Variants in CDK5RAP2 observed in about 807,000 individuals in gnomAD.
The protein encoded by CDK5RAP2 is CDK5 regulatory subunit-associated protein 2.
CDK5RAP2 carries 147 observed loss-of-function variants against 232.9 expected under a neutral mutation model. The observed-to-expected ratio is 0.63, with a 90% CI of 0.55 to 0.72. The LOEUF (loss-of-function observed/expected upper bound fraction) is 0.72, where lower values mean the gene tolerates loss of function less well. CDK5RAP2 is among the 30% of genes least tolerant of loss of function. The pLI is 0.00. For synonymous variants in CDK5RAP2, 833 were observed against 833.7 expected, an observed-to-expected ratio of 1.00 and a Z score of 0.01; for missense variants, 2,195 against 2,231.5, an observed-to-expected ratio of 0.98 and a Z score of 0.33.
intron 12 of CDK5RAP2, among the ~76,000 whole-genome samples, chr9:120,498,838 T>C (rs1354260669): frequency 1.3e-5 from 2 of 151,460 alleles, no homozygotes; most frequent in African/African-American, 4.8e-5. Context: ...CTGGGCAACA[T>C]GGCAACACCC....
intron 12 of CDK5RAP2, among the ~76,000 whole-genome samples, chr9:120,515,131 A>T (rs1165834098): frequency 3.3e-5 from 5 of 152,172 alleles, no homozygotes; most frequent in African/African-American, 1.2e-4. Flanking sequence ...AAATTTTACC[A>T]AACAAACATT....
At chr9:120,458,937 G>A (rs915085608) in intron 19 of CDK5RAP2, among the ~76,000 whole-genome samples, 3 of 152,170 alleles carry the variant, frequency 2.0e-5, no homozygotes, top group African/African-American at 7.2e-5. Context: ...GTGGTTAGGA[G>A]AATGAAATGA....
chr9:120,561,393 C>A (rs991996937), intron 3 of CDK5RAP2, among the ~76,000 whole-genome samples: 1 of 152,112 alleles, frequency 6.6e-6, no homozygotes, highest in Admixed American at 6.5e-5. Flanking sequence ...ACCTCCCAGG[C>A]TCAAGCAATC....
intron 12 of CDK5RAP2, among the ~76,000 whole-genome samples, chr9:120,494,176 T>G (rs191167632): frequency 6.7e-6 from 1 of 149,080 alleles, no homozygotes; most frequent in Non-Finnish European, 1.5e-5. Context: ...ACACAGAGAA[T>G]TGGAAAGACA....
chr9:120,511,020 C>T (rs1171262065), intron 12 of CDK5RAP2, among the ~76,000 whole-genome samples: 9 of 152,210 alleles, frequency 5.9e-5, no homozygotes, highest in Admixed American at 5.9e-4. Flanking sequence ...ACTGCAATCA[C>T]AGGCAATTAA....
intron 6 of CDK5RAP2, among the ~76,000 whole-genome samples, chr9:120,538,319 G>T (rs776762074): frequency 7.9e-5 from 12 of 152,120 alleles, no homozygotes; most frequent in Non-Finnish European, 1.5e-4. Flanking sequence ...CAGAGTTTCA[G>T]GTAGAGAAAC....
intron 6 of CDK5RAP2, 68 bp from the exon 7 acceptor site, chr9:120,536,594 G>A (rs2041400870): frequency 7.1e-7 from 1 of 1,409,606 alleles, no homozygotes; most frequent in South Asian, 1.2e-5. Flanking sequence ...AAAGGAAATT[G>A]GATTAAAATA....
intron 23 of CDK5RAP2, among the ~76,000 whole-genome samples, chr9:120,442,519 CTG>C (rs2035958367): frequency 6.6e-6 from 1 of 152,120 alleles, no homozygotes; most frequent in Admixed American, 6.5e-5. Context: ...ATACAAAGTT[CTG>C]GAAGCACATT....
intron 4 of CDK5RAP2, among the ~76,000 whole-genome samples, chr9:120,546,628 T>G (rs1488070739): frequency 1.3e-5 from 2 of 152,148 alleles, no homozygotes; most frequent in African/African-American, 2.4e-5. Context: ...TGTTTTTTTG[T>G]TTTTTTGTTT....
intron 35 of CDK5RAP2, among the ~76,000 whole-genome samples, chr9:120,399,535 ACT>A (rs1479421817): frequency 1.3e-5 from 2 of 152,302 alleles, no homozygotes; most frequent in Admixed American, 6.5e-5. Flanking sequence ...GCCCTCTCTG[ACT>A]CTGGGGTAAT....
intron 30 of CDK5RAP2, among the ~76,000 whole-genome samples, chr9:120,408,674 G>C (rs1159564181): frequency 6.6e-6 from 1 of 152,190 alleles, no homozygotes; most frequent in Non-Finnish European, 1.5e-5. Flanking sequence ...ATGCCACTCA[G>C]AGGAAAACCC....
At position 120,502,842 on chromosome 9, in the gene CDK5RAP2, TTC is replaced by T. The variant is rs201702981; in HGVS notation, c.1312-11367_1312-11366del. On this transcript the variant is annotated intron_variant, in intron 12 of 37. Transcript: ENST00000349780. Reference sequence around the variant, plus strand: ...TAGGATACCAAAGAGTATAGACCGCTTCTCTTATTTTACTCATTAGTTATGGA... The same window carrying T: ...TAGGATACCAAAGAGTATAGACCGCTTCTTATTTTACTCATTAGTTATGGA... Among the ~76,000 whole-genome samples the T allele has an allele frequency of 7.2e-3, 1,089 of 152,268 alleles. 19 individuals are homozygous for T. The highest frequency in any genetic ancestry group is 0.024 in the African/African-American group (1,002 of 41,534).
In CDK5RAP2 at chr9:120,549,713, C is replaced by T. The variant is rs74365706; in HGVS notation, c.306+1079G>A. On this transcript the variant is annotated intron_variant, in intron 4 of 37. Transcript: ENST00000349780. ...CAGACACGTTTTGTATTCCTATCAC[C>T]CAAGAGGTTCTAGACGCATGACCAC... Among the ~76,000 whole-genome samples the T allele has an allele frequency of 1.5e-3, 230 of 152,280 alleles. 2 individuals carry two copies. The highest frequency in any genetic ancestry group is 5.0e-3 in the African/African-American group (209 of 41,560).
At chr9:120,540,259 C>T (rs1189451099) in intron 5 of CDK5RAP2, among the ~76,000 whole-genome samples, 4 of 152,186 alleles carry the variant, frequency 2.6e-5, no homozygotes, top group Non-Finnish European at 5.9e-5. Flanking sequence ...AAAATGACTG[C>T]AGGTTTCCAG....
chr9:120,437,671 T>C (rs1030225223), intron 24 of CDK5RAP2, 144 bp from the exon 25 acceptor site: 9 of 663,650 alleles, frequency 1.4e-5, no homozygotes, highest in Non-Finnish European at 2.1e-5. Context: ...AAATTGAAAC[T>C]GTACAAGGTC....
chr9:120,452,238 G>GTCTCTC lies in CDK5RAP2; in HGVS notation c.2793+1212_2793+1217dup, dbSNP rs373806149. On this transcript the variant is annotated intron_variant, in intron 21 of 37. Coordinates refer to ENST00000349780, the MANE Select transcript of CDK5RAP2 (RefSeq NM_018249.6). ...TTCTAGTACCGTTAATATAATGGCA[G>GTCTCTC]TCTCTCTCTCTCTCTCTCTCTCTCT... Among the ~76,000 whole-genome samples, 677 of 142,944 alleles carry GTCTCTC rather than the reference G, an allele frequency of 4.7e-3. 5 individuals are homozygous for GTCTCTC. The highest frequency in any genetic ancestry group is 0.016 in the African/African-American group (604 of 38,720). 93.8% of individuals were successfully genotyped at this position (142,944 alleles called of 152,430 possible).
At chr9:120,428,697 A>G (rs1407633994) in intron 25 of CDK5RAP2, among the ~76,000 whole-genome samples, 1 of 152,212 alleles carries the variant, frequency 6.6e-6, no homozygotes, top group Non-Finnish European at 1.5e-5. Flanking sequence ...AACTGGTACC[A>G]TTCCTTCTGA....
intron 15 of CDK5RAP2, among the ~76,000 whole-genome samples, chr9:120,475,750 T>C (rs1343875698): frequency 6.6e-6 from 1 of 152,164 alleles, no homozygotes. Flanking sequence ...ATCTGGAAAT[T>C]ATCTCATAAT....
At chr9:120,402,750 T>C in intron 34 of CDK5RAP2, 56 bp downstream of exon 34, 1 of 1,605,614 alleles carries the variant, frequency 6.2e-7, no homozygotes, top group Non-Finnish European at 8.5e-7. Context: ...CCCCTCCCCC[T>C]TCCACCGACA....
Sources: allele counts gnomAD v4.1 joint callset (sites outside exome capture counted in the v4.1 genomes callset), GRCh38; gene constraint gnomAD v4.1.1; transcripts MANE v1.5; gene names NCBI Gene and HGNC (gene_info 2026-07-23, HGNC 2026-07-21).